The following GRID2 variants were observed in gnomAD, a reference collection of about 807,000 sequenced individuals.
GRID2 encodes the protein glutamate ionotropic receptor delta type subunit 2.
Under a neutral mutation model 114.8 loss-of-function variants are expected in GRID2, and 33 were observed. That is an observed-to-expected ratio of 0.29 (90% CI 0.22 to 0.38). GRID2 has a LOEUF of 0.38. Ranked by LOEUF, GRID2 falls within the 10% of genes least tolerant of loss-of-function variation. The pLI is 1.00. For missense variants in GRID2, 1,184 were observed against 1,257.7 expected, an observed-to-expected ratio of 0.94 and a Z score of 0.89; for synonymous variants, 505 against 449.9, an observed-to-expected ratio of 1.12 and a Z score of -1.55.
At position 93,512,498 on chromosome 4, in the gene GRID2, A is replaced by G. The variant is rs17020722; in HGVS notation, c.1998-2718A>G. Among the ~76,000 whole-genome samples the G allele has an allele frequency of 2.7e-3, 411 of 152,080 alleles. 4 individuals are homozygous for G. Among genetic ancestry groups the G allele is most frequent in the East Asian group, 0.02 (105 of 5,146 alleles). On this transcript the variant is annotated intron_variant, in intron 12 of 15. Coordinates refer to ENST00000282020, the MANE Select transcript of GRID2 (RefSeq NM_001510.4). ...CACTTCATTTTGCTTCAGTCGTTTT[A>G]TTTTTGTCATCTTTGGTGCTATCTT...
chr4:92,966,734 T>G (rs958454135), intron 2 of GRID2, among the ~76,000 whole-genome samples: 3 of 151,926 alleles, frequency 2.0e-5, no homozygotes, highest in Non-Finnish European at 4.4e-5. Flanking sequence ...CCCAGACATG[T>G]GGAACTGAGT....
intron 2 of GRID2, among the ~76,000 whole-genome samples, chr4:92,914,203 A>C (rs536807509): frequency 6.6e-5 from 10 of 152,274 alleles, no homozygotes; most frequent in African/African-American, 2.4e-4. Context: ...AAATGTAAAC[A>C]TATTTTCCCC....
intron 1 of GRID2, among the ~76,000 whole-genome samples, chr4:92,581,204 T>A (rs2149202786): frequency 6.6e-6 from 1 of 151,836 alleles, no homozygotes; most frequent in Non-Finnish European, 1.5e-5. Context: ...CACCCTTTTT[T>A]TTTTTTTTTT....
At chr4:92,870,267 GACACACACACACAC>G (rs370794678) in intron 2 of GRID2, among the ~76,000 whole-genome samples, 1 of 144,480 alleles carries the variant, frequency 6.9e-6, no homozygotes, top group Non-Finnish European at 1.5e-5. Flanking sequence ...ACATTATACG[GACACACACACACAC>G]ACACACACAC....
At chr4:93,047,992 T>A (rs2149276900) in intron 2 of GRID2, among the ~76,000 whole-genome samples, 1 of 151,826 alleles carries the variant, frequency 6.6e-6, no homozygotes, top group African/African-American at 2.4e-5. Context: ...GGGAGAGAAA[T>A]GGAGTATATT....
At chr4:93,321,007 C>T (rs907486079) in intron 8 of GRID2, among the ~76,000 whole-genome samples, 9 of 151,928 alleles carry the variant, frequency 5.9e-5, no homozygotes, top group Middle Eastern at 6.3e-3. Flanking sequence ...GTGGAGCACT[C>T]CAAAGATAGA....
intron 2 of GRID2, among the ~76,000 whole-genome samples, chr4:92,646,160 T>C (rs62309178): frequency 8.3e-5 from 1 of 12,080 alleles, no homozygotes; most frequent in Non-Finnish European, 2.9e-4. Context: ...CTCATTGAAG[T>C]TTTAACTTGC....
intron 1 of GRID2, among the ~76,000 whole-genome samples, chr4:93,797,082 G>A (rs1734819227): frequency 6.6e-6 from 1 of 152,182 alleles, no homozygotes; most frequent in South Asian, 2.1e-4. Context: ...CTGATTGAAT[G>A]TTGACAAAAT....
At chr4:93,487,847 T>G (rs1726567859) in intron 11 of GRID2, among the ~76,000 whole-genome samples, 1 of 151,964 alleles carries the variant, frequency 6.6e-6, no homozygotes, top group Non-Finnish European at 1.5e-5. Flanking sequence ...GGGAGGATTG[T>G]TCTGAATGGC....
chr4:92,697,811 T>C (rs987949576), intron 2 of GRID2, among the ~76,000 whole-genome samples: 6 of 152,112 alleles, frequency 3.9e-5, no homozygotes, highest in African/African-American at 1.4e-4. Context: ...GGTTGAAGGA[T>C]GATGAGGTCA....
At chr4:92,533,244 G>A (rs760878160) in intron 1 of GRID2, among the ~76,000 whole-genome samples, 1 of 146,374 alleles carries the variant, frequency 6.8e-6, no homozygotes, top group Non-Finnish European at 1.5e-5. Context: ...ATTTAAATCT[G>A]TATGGGAGCC....
chr4:93,573,129 C>T (rs1003358027), intron 13 of GRID2, among the ~76,000 whole-genome samples: 4 of 152,082 alleles, frequency 2.6e-5, no homozygotes, highest in Non-Finnish European at 5.9e-5. Flanking sequence ...ATCAGGCTGA[C>T]CTGCTATTCC....
chr4:92,668,694 T>G (rs2149274495), intron 2 of GRID2, among the ~76,000 whole-genome samples: 1 of 151,996 alleles, frequency 6.6e-6, no homozygotes, highest in Middle Eastern at 3.4e-3. Flanking sequence ...ACCTTTAGCA[T>G]GACTTACCCA....
At chr4:92,624,671 GTGAACCAT>G (rs1730435867) in intron 2 of GRID2, among the ~76,000 whole-genome samples, 2 of 151,608 alleles carry the variant, frequency 1.3e-5, no homozygotes, top group Non-Finnish European at 3.0e-5. Flanking sequence ...CAAGGCCACT[GTGAACCAT>G]TTAAGAATCT....
intron 1 of GRID2, among the ~76,000 whole-genome samples, chr4:92,442,813 A>C (rs1046502061): frequency 2.0e-5 from 3 of 152,160 alleles, no homozygotes; most frequent in African/African-American, 7.2e-5. Context: ...TGGGATAAAG[A>C]AAAAGGAGCA....
At chr4:93,478,031 G>C (rs747630805) in intron 11 of GRID2, among the ~76,000 whole-genome samples, 3 of 152,024 alleles carry the variant, frequency 2.0e-5, no homozygotes, top group Non-Finnish European at 4.4e-5. Context: ...ACATACAACT[G>C]TGTCAAATTG....
intron 2 of GRID2, among the ~76,000 whole-genome samples, chr4:92,810,553 G>T (rs1309188503): frequency 6.6e-6 from 1 of 151,900 alleles, no homozygotes; most frequent in Non-Finnish European, 1.5e-5. Flanking sequence ...CACTGTTACT[G>T]GTAGCCCATA....
At chr4:92,580,020 G>A (rs1219504938) in intron 1 of GRID2, among the ~76,000 whole-genome samples, 1 of 146,848 alleles carries the variant, frequency 6.8e-6, no homozygotes, top group Non-Finnish European at 1.5e-5. Flanking sequence ...ATAGTATAAT[G>A]GACTCAGTTA....
exon 2 of GRID2, chr4:93,809,006 A>T (rs1021063217): frequency 6.6e-6 from 1 of 152,172 alleles, no homozygotes; most frequent in Non-Finnish European, 1.5e-5. Flanking sequence ...TTCATTTAGC[A>T]GTTTATCCCT....
Sources: allele counts gnomAD v4.1 joint callset (sites outside exome capture counted in the v4.1 genomes callset), GRCh38; gene constraint gnomAD v4.1.1; transcripts MANE v1.5; gene names NCBI Gene and HGNC (gene_info 2026-07-23, HGNC 2026-07-21).